NAV3: variants seen among roughly 807,000 people sequenced by gnomAD.
NAV3 encodes the protein neuron navigator 3.
In NAV3, 87 loss-of-function variants were observed where a neutral mutation model predicts 244.7. That is an observed-to-expected ratio of 0.36 (90% CI 0.30 to 0.42). The LOEUF (loss-of-function observed/expected upper bound fraction) is 0.42, where lower values mean the gene tolerates loss of function less well. Ranked by LOEUF, NAV3 falls within the 20% of genes least tolerant of loss-of-function variation. The pLI, the probability that NAV3 is intolerant of heterozygous loss-of-function variation, is 1.00. For missense variants in NAV3, 2,663 were observed against 2,893.3 expected, an observed-to-expected ratio of 0.92 and a Z score of 1.83; for synonymous variants, 1,126 against 1,042.2, an observed-to-expected ratio of 1.08 and a Z score of -1.55.
At chr12:77,870,626 G>A (rs1880807715) in intron 1 of NAV3, among the ~76,000 whole-genome samples, 1 of 152,066 alleles carries the variant, frequency 6.6e-6, no homozygotes, top group Non-Finnish European at 1.5e-5. Flanking sequence ...GAGAATGTGT[G>A]GATGAGAATC....
intron 2 of NAV3, among the ~76,000 whole-genome samples, chr12:77,819,950 G>A (rs1872668048): frequency 6.6e-6 from 1 of 152,106 alleles, no homozygotes; most frequent in Non-Finnish European, 1.5e-5. Context: ...GAAATTTCAT[G>A]AAAAGGAACT....
intron 1 of NAV3, among the ~76,000 whole-genome samples, chr12:77,903,858 A>G (rs1205705115): frequency 6.6e-6 from 1 of 152,256 alleles, no homozygotes; most frequent in African/African-American, 2.4e-5. Flanking sequence ...ACTTCTCAAA[A>G]GAAGACATTT....
chr12:77,927,839 A>C (rs937909560), intron 1 of NAV3, among the ~76,000 whole-genome samples: 2 of 152,100 alleles, frequency 1.3e-5, no homozygotes. Context: ...GTTCTTCATT[A>C]TGTATTTTAT....
At chr12:77,622,199 T>G (rs1226842657) in intron 2 of NAV3, among the ~76,000 whole-genome samples, 6 of 152,006 alleles carry the variant, frequency 3.9e-5, no homozygotes, top group Non-Finnish European at 8.8e-5. Flanking sequence ...TCACCCTGTC[T>G]CCCAGGCTGC....
At chr12:78,188,838 C>A (rs188830782) in intron 33 of NAV3, 61 bp downstream of exon 33, 1 of 1,511,148 alleles carries the variant, frequency 6.6e-7, no homozygotes, top group African/African-American at 1.4e-5. Flanking sequence ...TTATTCTGCC[C>A]CCCGCCCCTT....
At chr12:77,676,440 A>G (rs182197238) in intron 2 of NAV3, among the ~76,000 whole-genome samples, 14 of 152,234 alleles carry the variant, frequency 9.2e-5, no homozygotes, top group African/African-American at 3.1e-4. Flanking sequence ...AGCATGTCTT[A>G]TAGTGGTTTT....
chr12:78,096,555 A>G (rs1057134758), intron 12 of NAV3, among the ~76,000 whole-genome samples: 9 of 152,186 alleles, frequency 5.9e-5, no homozygotes, highest in African/African-American at 1.2e-4. Flanking sequence ...CGAAAGACTA[A>G]TAAGGAGCAA....
intron 2 of NAV3, among the ~76,000 whole-genome samples, chr12:77,685,816 T>C (rs1592581088): frequency 6.6e-6 from 1 of 152,354 alleles, no homozygotes; most frequent in South Asian, 2.1e-4. Flanking sequence ...TTACATATGA[T>C]AATTTATAAA....
In NAV3 at chr12:78,059,021, C is replaced by T. The variant is rs2137405392; in HGVS notation, c.2542C>T (p.Leu848=). The change falls in exon 12 of 40, where the codon CTA becomes TTA. Residue 848 remains leucine, a synonymous_variant. Coordinates refer to ENST00000397909, the MANE Select transcript of NAV3 (RefSeq NM_001024383.2). ...SGYMTDGGLN[L]YTRSLNRIPD... is the part of the protein sequence containing the mutation. ...GTACATGACAGATGGAGGACTTAAC[C>T]TATATACTAGAAGTCTGAACCGAAT... 6.2e-7 allele frequency: 1 copy of T among 1,607,874 alleles called. No individual in the cohort carries two copies. The highest frequency in any genetic ancestry group is 8.5e-7 in the Non-Finnish European group (1 of 1,177,248).
At chr12:77,722,660 G>A (rs1040876389) in intron 2 of NAV3, among the ~76,000 whole-genome samples, 1 of 152,044 alleles carries the variant, frequency 6.6e-6, no homozygotes, top group Non-Finnish European at 1.5e-5. Context: ...GTTCTTTGGA[G>A]TCTTTTGAAG....
chr12:77,786,268 A>C (rs985710391), intron 2 of NAV3, among the ~76,000 whole-genome samples: 3 of 152,234 alleles, frequency 2.0e-5, no homozygotes, highest in African/African-American at 7.2e-5. Context: ...ACAGTGAAAT[A>C]AGAGAACACT....
At chr12:78,167,806 T>C (rs1957840309) in intron 23 of NAV3, among the ~76,000 whole-genome samples, 1 of 151,624 alleles carries the variant, frequency 6.6e-6, no homozygotes, top group African/African-American at 2.4e-5. Flanking sequence ...ACCAAGAAGA[T>C]ACCCCTTGTC....
intron 2 of NAV3, among the ~76,000 whole-genome samples, chr12:77,687,930 G>C (rs1874831170): frequency 6.6e-6 from 1 of 151,996 alleles, no homozygotes; most frequent in Admixed American, 6.6e-5. Context: ...TCCATGTCTT[G>C]TTTTCAATGT....
chr12:78,092,875 A>G (rs1954036502), intron 12 of NAV3, among the ~76,000 whole-genome samples: 1 of 152,186 alleles, frequency 6.6e-6, no homozygotes, highest in Admixed American at 6.5e-5. Context: ...ATCTTAGGTT[A>G]GGAAATATAG....
At chr12:77,811,929 G>T (rs1482621273) in intron 2 of NAV3, among the ~76,000 whole-genome samples, 3 of 152,138 alleles carry the variant, frequency 2.0e-5, no homozygotes, top group Non-Finnish European at 2.9e-5. Context: ...CACCTTAAAA[G>T]GTAACCTGCT....
chr12:77,661,425 G>A (rs911686757), intron 2 of NAV3, among the ~76,000 whole-genome samples: 6 of 152,078 alleles, frequency 3.9e-5, no homozygotes, highest in Admixed American at 3.9e-4. Flanking sequence ...TGAGTTGAAA[G>A]AGTTATTGAT....
In NAV3 at chr12:78,162,884, T is replaced by TATATATAATATATATATAAATATATATA. The variant is rs1274824648; in HGVS notation, c.4869+3599_4869+3626dup. On this transcript the variant is annotated intron_variant, in intron 23 of 39. Coordinates refer to ENST00000397909, the MANE Select transcript of NAV3 (RefSeq NM_001024383.2). Reference sequence around the variant, plus strand: ...CTCAAAAAAAAATATATATATATAATATATATAATATATATATAAATATAT... The same window carrying TATATATAATATATATATAAATATATATA: ...CTCAAAAAAAAATATATATATATAATATATATAATATATATATAAATATATATAATATATAATATATATATAAATATAT... Among the ~76,000 whole-genome samples the TATATATAATATATATATAAATATATATA allele has an allele frequency of 7.1e-3, 889 of 125,858 alleles. 19 individuals are homozygous for TATATATAATATATATATAAATATATATA. The highest frequency in any genetic ancestry group is 0.024 in the African/African-American group (838 of 34,738). 82.6% of individuals were successfully genotyped at this position (125,858 alleles called of 152,430 possible). A position where few individuals can be genotyped will look rare whatever the true frequency, so the allele number is the denominator to read the frequency against.
At chr12:77,903,509 A>C (rs1885565783) in intron 1 of NAV3, among the ~76,000 whole-genome samples, 3 of 152,224 alleles carry the variant, frequency 2.0e-5, no homozygotes, top group Admixed American at 6.5e-5. Flanking sequence ...TGGATTAAAG[A>C]CTTAAATGTT....
intron 1 of NAV3, among the ~76,000 whole-genome samples, chr12:77,879,022 TTTC>T (rs1882244557): frequency 6.6e-6 from 1 of 152,244 alleles, no homozygotes; most frequent in East Asian, 1.9e-4. Context: ...CAGATGGTCA[TTTC>T]TTTATTTTTA....
Sources: allele counts gnomAD v4.1 joint callset (sites outside exome capture counted in the v4.1 genomes callset), GRCh38; gene constraint gnomAD v4.1.1; transcripts MANE v1.5; gene names NCBI Gene and HGNC (gene_info 2026-07-23, HGNC 2026-07-21).